EYS: variants seen among roughly 807,000 people sequenced by gnomAD.
EYS encodes the protein protein eyes shut homolog.
In EYS, 250 loss-of-function variants were observed where a neutral mutation model predicts 282.1. The observed-to-expected ratio is 0.89, with a 90% CI of 0.80 to 0.98. EYS has a LOEUF of 0.98. Among genes scored for constraint, EYS ranks in the 50% least tolerant of loss-of-function variants. EYS has a pLI of 0.00. For synonymous variants in EYS, 1,355 were observed against 1,282.9 expected (o/e 1.06, Z -1.20); for missense variants, 4,016 against 3,709.0 (o/e 1.08, Z -2.15).
chr6:65,358,043 G>A (rs1562119787), intron 8 of EYS, among the ~76,000 whole-genome samples: 1 of 151,866 alleles, frequency 6.6e-6, no homozygotes, highest in Admixed American at 6.6e-5. Flanking sequence ...GTTTCACAGC[G>A]ACCTCAGGTA....
intron 28 of EYS, 128 bp downstream of exon 28, chr6:64,436,046 T>TA: frequency 2.3e-6 from 1 of 435,672 alleles, no homozygotes; most frequent in East Asian, 3.4e-5. Context: ...TGACAAACAT[T>TA]AATTCATACA....
At chr6:65,319,379 C>CA (rs1465140030) in intron 11 of EYS, among the ~76,000 whole-genome samples, 1 of 149,284 alleles carries the variant, frequency 6.7e-6, no homozygotes, top group African/African-American at 2.5e-5. Flanking sequence ...GTCTCCATCT[C>CA]AAAAAAAATA....
At chr6:64,769,514 C>CA (rs1773460984) in intron 22 of EYS, among the ~76,000 whole-genome samples, 1 of 152,022 alleles carries the variant, frequency 6.6e-6, no homozygotes, top group Admixed American at 6.6e-5. Flanking sequence ...ACGAGCAGTA[C>CA]AAAAATGGGT....
chr6:65,035,143 C>A (rs1772727645), intron 13 of EYS, among the ~76,000 whole-genome samples: 1 of 152,040 alleles, frequency 6.6e-6, no homozygotes, highest in Non-Finnish European at 1.5e-5. Flanking sequence ...ACAGAAAAGG[C>A]TTTCAATAAC....
Position 65,386,609 on chromosome 6 carries a change from AAAACAAAAGCAAAGT to A in EYS, c.1185-2124_1185-2110del, listed in dbSNP as rs1421909576. Among the ~76,000 whole-genome samples, 5 of 152,066 alleles carry A rather than the reference AAAACAAAAGCAAAGT, an allele frequency of 3.3e-5. No individual in the cohort carries two copies. In the South Asian group the frequency reaches 8.3e-4, roughly 25 times the overall value. ...TGACATTTAAGAATGTAAAACAGAG[AAAACAAAAGCAAAGT>A]AAACAAAAGCAAACTCTGGAACAAC... On this transcript the variant is annotated intron_variant, in intron 7 of 42. Transcript: ENST00000503581.
intron 2 of EYS, among the ~76,000 whole-genome samples, chr6:65,544,001 A>AGTGTGTGTGTGT (rs751872447): frequency 0.077 from 11,067 of 144,420 alleles, 497 homozygotes; most frequent in East Asian, 0.14. Context: ...AAAAAGAGAA[A>AGTGTGTGTGTGT]GTGTGTGTGT....
intron 2 of EYS, among the ~76,000 whole-genome samples, chr6:65,576,552 A>C (rs977954184): frequency 6.6e-6 from 1 of 151,884 alleles, no homozygotes; most frequent in East Asian, 1.9e-4. Context: ...CATTTTATTC[A>C]AAAATAGAGT....
At chr6:65,007,090 T>G (rs531848424) in intron 13 of EYS, among the ~76,000 whole-genome samples, 1 of 152,222 alleles carries the variant, frequency 6.6e-6, no homozygotes, top group South Asian at 2.1e-4. Context: ...CCTGGATCCC[T>G]TTTTTTGTGG....
chr6:64,340,370 G>C (rs1771053740), intron 29 of EYS, among the ~76,000 whole-genome samples: 1 of 151,716 alleles, frequency 6.6e-6, no homozygotes, highest in African/African-American at 2.4e-5. Context: ...TACAAAAACA[G>C]ACACAAAGAC....
At chr6:65,477,258 T>C (rs1270485847) in intron 5 of EYS, among the ~76,000 whole-genome samples, 1 of 152,132 alleles carries the variant, frequency 6.6e-6, no homozygotes, top group Non-Finnish European at 1.5e-5. Context: ...TTATGGCACT[T>C]CCCCATAAAA....
intron 22 of EYS, among the ~76,000 whole-genome samples, chr6:64,780,572 T>A (rs937386885): frequency 4.6e-5 from 7 of 152,134 alleles, no homozygotes; most frequent in African/African-American, 1.7e-4. Context: ...GGGTACAATG[T>A]TCATTATTGG....
intron 34 of EYS, among the ~76,000 whole-genome samples, chr6:63,996,022 A>C (rs948876813): frequency 7.2e-6 from 1 of 138,364 alleles, no homozygotes; most frequent in African/African-American, 2.5e-5. Context: ...ATCATTCCAC[A>C]AAGTATACAT....
At chr6:63,793,479 A>AAGTATTT (rs1770567516) in intron 37 of EYS, among the ~76,000 whole-genome samples, 1 of 152,224 alleles carries the variant, frequency 6.6e-6, no homozygotes, top group Non-Finnish European at 1.5e-5. Flanking sequence ...ATGTGCATTA[A>AAGTATTT]ATACTTTTCT....
intron 35 of EYS, among the ~76,000 whole-genome samples, chr6:63,908,671 G>A (rs986176931): frequency 3.3e-5 from 5 of 152,052 alleles, no homozygotes; most frequent in Non-Finnish European, 7.4e-5. Flanking sequence ...GGCTAGTCTC[G>A]AACTCCTGAC....
At chr6:64,312,260 C>T (rs1009307614) in intron 29 of EYS, among the ~76,000 whole-genome samples, 28 of 152,094 alleles carry the variant, frequency 1.8e-4, no homozygotes, top group African/African-American at 6.8e-4. Context: ...AACAAAGCCA[C>T]TGGTAAGTTG....
At chr6:64,586,423 T>C (rs1254577273) in intron 26 of EYS, among the ~76,000 whole-genome samples, 1 of 152,138 alleles carries the variant, frequency 6.6e-6, no homozygotes, top group Non-Finnish European at 1.5e-5. Flanking sequence ...CATGTACATG[T>C]ATACATAAGG....
At chr6:64,284,726 A>G (rs760475845) in intron 30 of EYS, among the ~76,000 whole-genome samples, 34 of 152,232 alleles carry the variant, frequency 2.2e-4, no homozygotes, top group Admixed American at 5.9e-4. Context: ...CCAAACCCCA[A>G]TTCTTGACTT....
At chr6:64,889,970 T>C (rs1767227203) in intron 18 of EYS, among the ~76,000 whole-genome samples, 1 of 151,578 alleles carries the variant, frequency 6.6e-6, no homozygotes, top group Non-Finnish European at 1.5e-5. Context: ...GGGAGAAATA[T>C]CACTGAATTC....
Position 64,246,989 on chromosome 6 carries a change from C to A in EYS, c.6192-16165G>T, listed in dbSNP as rs115189177. On this transcript the variant is annotated intron_variant, in intron 30 of 42. Transcript: ENST00000503581. ...TTTGGAAGTCATTGAAGTTTGAATG[C>A]CTTGCCATTATGGTTAGTAAGAAAT... Among the ~76,000 whole-genome samples, 1,387 of 151,984 alleles carry A rather than the reference C, an allele frequency of 9.1e-3. 17 individuals carry two copies. Among genetic ancestry groups the A allele is most frequent in the African/African-American group, 0.031 (1,298 of 41,450 alleles).
Sources: allele counts gnomAD v4.1 joint callset (sites outside exome capture counted in the v4.1 genomes callset), GRCh38; gene constraint gnomAD v4.1.1; transcripts MANE v1.5; gene names NCBI Gene and HGNC (gene_info 2026-07-23, HGNC 2026-07-21).